Variants in PRELID2 observed in about 807,000 individuals in gnomAD.
The protein encoded by PRELID2 is PRELI domain-containing protein 2.
A neutral mutation model predicts 28.4 loss-of-function variants in PRELID2; 25 were observed. The observed-to-expected ratio is 0.88, with a 90% CI of 0.64 to 1.23. The LOEUF is 1.23. PRELID2 is among the 50% of genes most tolerant of loss of function. The probability of loss-of-function intolerance (pLI) is 0.00; values close to 1 mark genes in which losing one functional copy is unlikely to be tolerated. For synonymous variants in PRELID2, 76 were observed against 71.6 expected (o/e 1.06, Z -0.31); for missense variants, 201 against 214.4 (o/e 0.94, Z 0.39).
chr5:145,541,726 C>A (rs1049379263), intron 1 of PRELID2, among the ~76,000 whole-genome samples: 15 of 151,972 alleles, frequency 9.9e-5, no homozygotes, highest in South Asian at 2.1e-4. Context: ...TTTATGAATT[C>A]TTTTCTTTAT....
intron 1 of PRELID2, among the ~76,000 whole-genome samples, chr5:145,517,383 GA>G (rs1227606319): frequency 6.6e-6 from 1 of 151,978 alleles, no homozygotes; most frequent in Non-Finnish European, 1.5e-5. Context: ...AGAAAAACAT[GA>G]AAAAAAGCTC....
At chr5:145,713,598 TATACATAAA>T (rs1755761745) in intron 1 of PRELID2, among the ~76,000 whole-genome samples, 2 of 143,348 alleles carry the variant, frequency 1.4e-5, no homozygotes, top group South Asian at 2.2e-4. Flanking sequence ...ATATACTTTA[TATACATAAA>T]ATATATATAG....
At chr5:145,398,923 GA>G in the PRELID2 span, among the ~76,000 whole-genome samples, 1 of 152,042 alleles carries the variant, frequency 6.6e-6, no homozygotes, top group Admixed American at 6.6e-5. Flanking sequence ...GGATCATATA[GA>G]AAAAGGTTTC....
At position 145,794,305 on chromosome 5, in the gene PRELID2, A is replaced by C. The variant is rs538220187; in HGVS notation, c.474+2137T>G. Among the ~76,000 whole-genome samples, 6 of 152,304 alleles carry C rather than the reference A, an allele frequency of 3.9e-5. 1 individual carries two copies. In the East Asian group the frequency reaches 9.6e-4, roughly 24 times the overall value. On this transcript the variant is annotated intron_variant, in intron 5 of 6. Transcript: ENST00000683046. The stretch of plus-strand genomic sequence containing the variant: ...GCTGCCAGCCTCACCACCCTTGTAC[A>C]CTTAGAATGAGCTAGCCTGAAGTGG...
At chr5:145,451,287 AC>A in the PRELID2 span, among the ~76,000 whole-genome samples, 5 of 151,696 alleles carry the variant, frequency 3.3e-5, no homozygotes, top group African/African-American at 7.3e-5. Context: ...CACCACTCCA[AC>A]CCCCTAGCCT....
At chr5:145,653,304 G>C (rs1227933617) in intron 1 of PRELID2, among the ~76,000 whole-genome samples, 2 of 152,142 alleles carry the variant, frequency 1.3e-5, no homozygotes, top group East Asian at 1.9e-4. Flanking sequence ...AATAATGGGA[G>C]ACTTTAACAC....
chr5:145,554,346 C>T (rs1476208591), intron 1 of PRELID2, among the ~76,000 whole-genome samples: 1 of 151,828 alleles, frequency 6.6e-6, no homozygotes, highest in East Asian at 1.9e-4. Context: ...GAAAAAGCTT[C>T]AAGGAGCAAC....
chr5:145,262,409 G>GA, the PRELID2 span, among the ~76,000 whole-genome samples: 3 of 151,494 alleles, frequency 2.0e-5, no homozygotes, highest in Non-Finnish European at 2.9e-5. Context: ...AAAAAATGAA[G>GA]AAAAAAAATA....
intron 1 of PRELID2, among the ~76,000 whole-genome samples, chr5:145,508,373 T>C (rs1752431543): frequency 1.3e-5 from 2 of 151,988 alleles, no homozygotes; most frequent in South Asian, 2.1e-4. Flanking sequence ...AGACATATAG[T>C]TGTATATGCT....
At position 145,618,303 on chromosome 5, in the gene PRELID2, G is replaced by A. The variant is rs543130375; in HGVS notation, n.71-144988C>T. Reference sequence around the variant, plus strand: ...TTGGTTTTCTGGTTCCTTCTCATTCGGATAGGCTCTGTTAGAGGGAAGGTC... The same window carrying A: ...TTGGTTTTCTGGTTCCTTCTCATTCAGATAGGCTCTGTTAGAGGGAAGGTC... On this transcript the variant is annotated intron_variant and non_coding_transcript_variant, in intron 1 of 2. Coordinates refer to the PRELID2 transcript ENST00000510259. 3.0e-4 allele frequency among the ~76,000 whole-genome samples: 45 copies of A among 152,238 alleles called. No homozygotes were observed. In the East Asian group the frequency reaches 4.6e-3, roughly 16 times the overall value.
the PRELID2 span, among the ~76,000 whole-genome samples, chr5:145,235,746 C>T: frequency 0.021 from 3,183 of 152,154 alleles, 115 homozygotes; most frequent in African/African-American, 0.072. Flanking sequence ...AGACGGTAAG[C>T]TTTGCAAATG....
intron 5 of PRELID2, among the ~76,000 whole-genome samples, chr5:145,775,053 A>G (rs1229407269): frequency 1.3e-5 from 2 of 152,138 alleles, no homozygotes; most frequent in African/African-American, 4.8e-5. Context: ...CAGCCTGGCC[A>G]ACATGGTGAA....
chr5:145,354,369 T>A, the PRELID2 span, among the ~76,000 whole-genome samples: 1 of 152,200 alleles, frequency 6.6e-6, no homozygotes, highest in Non-Finnish European at 1.5e-5. Context: ...ACGATTTTTT[T>A]ATTTTCCATT....
the PRELID2 span, among the ~76,000 whole-genome samples, chr5:145,389,454 G>A: frequency 6.6e-6 from 1 of 152,126 alleles, no homozygotes; most frequent in African/African-American, 2.4e-5. Flanking sequence ...TAATATCTGA[G>A]GTTGCATAGT....
At chr5:145,714,966 G>A (rs1755803071) in intron 1 of PRELID2, among the ~76,000 whole-genome samples, 1 of 151,886 alleles carries the variant, frequency 6.6e-6, no homozygotes, top group East Asian at 1.9e-4. Flanking sequence ...GGAGTATGTC[G>A]ATAACTTAAT....
At chr5:145,529,393 A>G (rs1352111545) in intron 1 of PRELID2, among the ~76,000 whole-genome samples, 1 of 152,162 alleles carries the variant, frequency 6.6e-6, no homozygotes, top group African/African-American at 2.4e-5. Context: ...GGTTGTTAAG[A>G]CGGCATGAGA....
At chr5:145,510,797 G>C (rs1250579653) in intron 1 of PRELID2, among the ~76,000 whole-genome samples, 1 of 152,176 alleles carries the variant, frequency 6.6e-6, no homozygotes, top group Non-Finnish European at 1.5e-5. Context: ...TGGGTGTCCT[G>C]TCATCTAATC....
chr5:145,815,711 T>C (rs1754254930), intron 4 of PRELID2, among the ~76,000 whole-genome samples: 1 of 152,244 alleles, frequency 6.6e-6, no homozygotes, highest in African/African-American at 2.4e-5. Flanking sequence ...TTTTCAAAAT[T>C]TGTCCATGTT....
At chr5:145,796,794 G>A (rs1752781396) in intron 4 of PRELID2, among the ~76,000 whole-genome samples, 1 of 152,070 alleles carries the variant, frequency 6.6e-6, no homozygotes, top group African/African-American at 2.4e-5. Context: ...AATTGAGTCT[G>A]AGGTAATTAT....
Sources: gnomAD v4.1 joint callset for allele counts (sites outside exome capture counted in the v4.1 genomes callset) on GRCh38, gnomAD v4.1.1 for gene constraint, MANE v1.5 for transcripts, NCBI Gene and HGNC (gene_info 2026-07-23, HGNC 2026-07-21) for gene names.